The following BCAR3 variants were observed in gnomAD, a reference collection of about 807,000 sequenced individuals.
BCAR3 encodes the protein BCAR3 adaptor protein, NSP family member.
BCAR3 carries 37 observed loss-of-function variants against 80.1 expected under a neutral mutation model. The ratio of observed to expected loss-of-function variants is 0.46; its 90% CI spans 0.36 to 0.61. BCAR3 has a LOEUF of 0.61. Among genes scored for constraint, BCAR3 ranks in the 20% least tolerant of loss-of-function variants. The pLI is 0.00. For synonymous variants in BCAR3, 389 were observed against 418.9 expected (o/e 0.93, Z 0.87); for missense variants, 978 against 1,068.2 (o/e 0.92, Z 1.18).
At chr1:93,759,110 C>T (rs1216902598) in intron 2 of BCAR3, among the ~76,000 whole-genome samples, 1 of 152,180 alleles carries the variant, frequency 6.6e-6, no homozygotes. Context: ...CTGATGCAAC[C>T]CACATCCTGC....
intron 2 of BCAR3, among the ~76,000 whole-genome samples, chr1:93,794,263 T>A (rs1186711138): frequency 1.3e-4 from 8 of 63,402 alleles, no homozygotes; most frequent in African/African-American, 4.7e-4. Context: ...GGTGTTAAAG[T>A]CTCCCATTAT....
In BCAR3 at chr1:93,824,128, G is replaced by C. The variant is rs1211039010; in HGVS notation, c.-63+21439C>G. 1.5e-5 allele frequency among the ~76,000 whole-genome samples: 2 copies of C among 134,052 alleles called. 1 individual carries two copies. Among genetic ancestry groups the C allele is most frequent in the Non-Finnish European group, 3.4e-5 (2 of 59,300 alleles). The allele number at this position is 134,052 out of a possible 152,430, so 87.9% of individuals were successfully genotyped here. On this transcript the variant is annotated intron_variant, in intron 2 of 13. Transcript: ENST00000370244. Reference sequence around the variant, plus strand: ...CCTAGTAGACATTCAACTAATGTTTGTTGAATGAACAAGAACCCTCAGCCA... The same window carrying C: ...CCTAGTAGACATTCAACTAATGTTTCTTGAATGAACAAGAACCCTCAGCCA...
intron 2 of BCAR3, among the ~76,000 whole-genome samples, chr1:93,736,871 C>T (rs937062916): frequency 6.6e-6 from 1 of 152,148 alleles, no homozygotes; most frequent in African/African-American, 2.4e-5. Flanking sequence ...TTTTGTTAGG[C>T]TTTTGCATTT....
intron 2 of BCAR3, among the ~76,000 whole-genome samples, chr1:93,741,425 G>C (rs1651172426): frequency 6.6e-6 from 1 of 152,294 alleles, no homozygotes; most frequent in East Asian, 1.9e-4. Flanking sequence ...TGCCCGGGTT[G>C]TCTTTTCAGT....
chr1:93,785,950 T>C (rs554950053), intron 2 of BCAR3, among the ~76,000 whole-genome samples: 3 of 115,336 alleles, frequency 2.6e-5, no homozygotes, highest in East Asian at 6.0e-4. Flanking sequence ...TCCCAGCACT[T>C]TGGGAGGCCG....
At chr1:93,626,634 A>C (rs2101895067) in intron 3 of BCAR3, among the ~76,000 whole-genome samples, 1 of 152,360 alleles carries the variant, frequency 6.6e-6, no homozygotes, top group East Asian at 1.9e-4. Flanking sequence ...AAACTCTACC[A>C]GGGGCCATTG....
At chr1:93,751,836 T>C (rs374843441) in intron 2 of BCAR3, among the ~76,000 whole-genome samples, 25 of 152,238 alleles carry the variant, frequency 1.6e-4, no homozygotes, top group African/African-American at 6.0e-4. Flanking sequence ...CTGGGGCTGC[T>C]GCCCTGGCAA....
intron 2 of BCAR3, among the ~76,000 whole-genome samples, chr1:93,796,782 T>C (rs1653290842): frequency 6.6e-6 from 1 of 152,246 alleles, no homozygotes; most frequent in Admixed American, 6.5e-5. Flanking sequence ...GTTTCCATGA[T>C]TTCAGGATTC....
intron 1 of BCAR3, among the ~76,000 whole-genome samples, chr1:93,677,570 G>C (rs1279018665): frequency 6.6e-6 from 1 of 152,190 alleles, no homozygotes; most frequent in Non-Finnish European, 1.5e-5. Context: ...GAGGAACAAT[G>C]AAGAATTCTG....
intron 2 of BCAR3, among the ~76,000 whole-genome samples, chr1:93,803,992 A>C (rs1161141232): frequency 6.6e-6 from 1 of 152,210 alleles, no homozygotes; most frequent in East Asian, 1.9e-4. Flanking sequence ...TCTGATAGGC[A>C]AAGTGGCCAT....
At chr1:93,676,308 T>A (rs535937571) in intron 1 of BCAR3, among the ~76,000 whole-genome samples, 2 of 151,862 alleles carry the variant, frequency 1.3e-5, no homozygotes, top group Admixed American at 6.5e-5. Context: ...GACATTAGAG[T>A]GTGTAAAGAA....
At chr1:93,756,190 A>G (rs1384089807) in intron 2 of BCAR3, among the ~76,000 whole-genome samples, 1 of 152,212 alleles carries the variant, frequency 6.6e-6, no homozygotes, top group African/African-American at 2.4e-5. Flanking sequence ...AATTGCATGC[A>G]GTGGTCTAGA....
At chr1:93,797,836 A>G (rs949966175) in intron 2 of BCAR3, among the ~76,000 whole-genome samples, 3 of 152,248 alleles carry the variant, frequency 2.0e-5, no homozygotes, top group African/African-American at 7.2e-5. Flanking sequence ...CCATTCCAAC[A>G]AACATTTTCC....
chr1:93,765,744 G>A (rs529513926), intron 2 of BCAR3, among the ~76,000 whole-genome samples: 2 of 151,252 alleles, frequency 1.3e-5, no homozygotes, highest in African/African-American at 2.4e-5. Flanking sequence ...TTGGCTCACT[G>A]CAACCTCCGC....
intron 2 of BCAR3, among the ~76,000 whole-genome samples, chr1:93,668,759 TG>T (rs1648050109): frequency 6.6e-6 from 1 of 151,772 alleles, no homozygotes; most frequent in African/African-American, 2.4e-5. Flanking sequence ...TCATCCAGGC[TG>T]GAGAGTAGTG....
At chr1:93,784,645 A>C (rs6701957) in intron 2 of BCAR3, among the ~76,000 whole-genome samples, 13,053 of 152,280 alleles carry the variant, frequency 0.086, 1,103 homozygotes, top group African/African-American at 0.21. Flanking sequence ...CTGCGCAGCC[A>C]AATGCTCTCC....
intron 2 of BCAR3, among the ~76,000 whole-genome samples, chr1:93,821,835 A>G (rs1156512222): frequency 1.3e-5 from 2 of 152,230 alleles, no homozygotes; most frequent in Non-Finnish European, 2.9e-5. Context: ...ATTTCACAGA[A>G]GAAGAATCAA....
At chr1:93,814,021 G>A (rs1653935546) in intron 2 of BCAR3, among the ~76,000 whole-genome samples, 1 of 152,136 alleles carries the variant, frequency 6.6e-6, no homozygotes, top group South Asian at 2.1e-4. Context: ...ATTAGGTTTA[G>A]GTAAATTTTT....
At chr1:93,564,147 T>G (rs1672823959) in intron 11 of BCAR3, among the ~76,000 whole-genome samples, 1 of 152,174 alleles carries the variant, frequency 6.6e-6, no homozygotes, top group Non-Finnish European at 1.5e-5. Flanking sequence ...CTATTCAAAT[T>G]TTTGTCTATT....
Sources: allele counts gnomAD v4.1 joint callset (sites outside exome capture counted in the v4.1 genomes callset), GRCh38; gene constraint gnomAD v4.1.1; transcripts MANE v1.5; gene names NCBI Gene and HGNC (gene_info 2026-07-23, HGNC 2026-07-21).